Variants in CLCA4 observed in about 807,000 individuals in gnomAD.
The protein encoded by CLCA4 is chloride channel accessory 4.
A neutral mutation model predicts 78.9 loss-of-function variants in CLCA4; 69 were observed. That is an observed-to-expected ratio of 0.87 (90% CI 0.72 to 1.07). The LOEUF is 1.07. Ranked by LOEUF, CLCA4 falls within the 50% of genes least tolerant of loss-of-function variation. The probability of loss-of-function intolerance (pLI) is 0.00; values close to 1 mark genes in which losing one functional copy is unlikely to be tolerated. For synonymous variants in CLCA4, 362 were observed against 375.8 expected (o/e 0.96, Z 0.42); for missense variants, 1,133 against 1,095.8 (o/e 1.03, Z -0.48).
chr1:86,553,352 G>C, intron 1 of CLCA4: 1 of 581,064 alleles, frequency 1.7e-6, no homozygotes, highest in Non-Finnish European at 3.1e-6. Flanking sequence ...TTGTGTCTTT[G>C]AGAGAACGGT....
At chr1:86,574,318 A>G (rs989476524) in intron 9 of CLCA4, among the ~76,000 whole-genome samples, 5 of 152,066 alleles carry the variant, frequency 3.3e-5, no homozygotes, top group Non-Finnish European at 5.9e-5. Flanking sequence ...TCATGACTGT[A>G]AAACCCTTGT....
At chr1:86,550,927 GT>G (rs1649638798) in intron 1 of CLCA4, among the ~76,000 whole-genome samples, 1 of 149,108 alleles carries the variant, frequency 6.7e-6, no homozygotes, top group Admixed American at 6.7e-5. Flanking sequence ...CGCCTCCCAC[GT>G]TCACGCCATT....
intron 6 of CLCA4, 129 bp downstream of exon 6, chr1:86,566,149 T>C: frequency 1.5e-6 from 1 of 661,494 alleles, no homozygotes; most frequent in Non-Finnish European, 2.4e-6. Context: ...CCCATGATCA[T>C]GACTTCAAGA....
At chr1:86,556,449 GT>G (rs1649847691) in intron 1 of CLCA4, among the ~76,000 whole-genome samples, 1 of 152,102 alleles carries the variant, frequency 6.6e-6, no homozygotes, top group South Asian at 2.1e-4. Flanking sequence ...TAATCATGTG[GT>G]TTTTGTCTTT....
chr1:86,573,488 T>G (rs1650415417), intron 9 of CLCA4, among the ~76,000 whole-genome samples: 2 of 151,960 alleles, frequency 1.3e-5, no homozygotes, highest in Non-Finnish European at 2.9e-5. Context: ...TTCTGTCTGG[T>G]GTTTTCCAGC....
rs1442743834 is a variant in CLCA4, at chr1:86,578,063, G to A, written c.2113G>A (p.Val705Ile). Residue 705 changes from valine to isoleucine, a missense_variant, in exon 12 of 14, where the codon GTA (valine) becomes ATA (isoleucine). Physicochemically the swap from Val to Ile is conservative, Grantham distance 29 (BLOSUM62 3). Transcript: ENST00000370563. ...LNRAAYIPGWVVNGEIEANPP... is the reference protein window; with the variant it reads ...LNRAAYIPGWIVNGEIEANPP... ...TAGAGCCGCGTACATACCAGGCTGGGTAGTGAACGGTGAGTAACTCATGAT... is the reference window on the plus strand; with the variant it reads ...TAGAGCCGCGTACATACCAGGCTGGATAGTGAACGGTGAGTAACTCATGAT... 1 of 1,609,366 alleles carries A rather than the reference G, an allele frequency of 6.2e-7. No homozygotes were observed. Among genetic ancestry groups the A allele is most frequent in the Non-Finnish European group, 8.5e-7 (1 of 1,178,200 alleles).
At chr1:86,558,594 G>A (rs1387741012) in intron 1 of CLCA4, among the ~76,000 whole-genome samples, 2 of 152,122 alleles carry the variant, frequency 1.3e-5, no homozygotes, top group African/African-American at 4.8e-5. Context: ...GCATGGCAGG[G>A]AGGCCTCAGG....
rs1475106150 is a variant in CLCA4 at position 86,575,481 on chromosome 1, G to T, written c.1833G>T (p.Met611Ile). 6.2e-7 allele frequency: 1 copy of T among 1,613,512 alleles called. No homozygotes were observed. Among genetic ancestry groups the T allele is most frequent in the Non-Finnish European group, 8.5e-7 (1 of 1,179,608 alleles). The change falls in exon 11 of 14, where the codon ATG becomes ATT. Residue 611 changes from methionine to isoleucine, a missense_variant. Met to Ile is a conservative substitution (Grantham distance 10, BLOSUM62 1). Coordinates refer to ENST00000370563, the MANE Select transcript of CLCA4 (RefSeq NM_012128.4). ...NKDVNSFPSP[M>I]IVYAEILQGY... ...ACGTAAACAGTTTCCCCAGCCCAAT[G>T]ATTGTTTACGCAGAAATTCTACAAG...
At chr1:86,557,805 T>C (rs1376851805) in intron 1 of CLCA4, among the ~76,000 whole-genome samples, 1 of 152,016 alleles carries the variant, frequency 6.6e-6, no homozygotes, top group African/African-American at 2.4e-5. Context: ...CCCACTATTA[T>C]TGAGTGGGAG....
intron 1 of CLCA4, among the ~76,000 whole-genome samples, chr1:86,549,683 A>G (rs1184976642): frequency 6.6e-6 from 1 of 152,206 alleles, no homozygotes; most frequent in Non-Finnish European, 1.5e-5. Flanking sequence ...AGGTGAGGGT[A>G]GGAAGGAAAT....
chr1:86,552,847 T>A (rs1397579183), intron 1 of CLCA4: 1 of 786,558 alleles, frequency 1.3e-6, no homozygotes, highest in Admixed American at 2.0e-5. Flanking sequence ...CAGCGTTTCA[T>A]ATATATCTGA....
chr1:86,561,499 A>G (rs1333957501), intron 3 of CLCA4, among the ~76,000 whole-genome samples: 1 of 152,202 alleles, frequency 6.6e-6, no homozygotes, highest in Non-Finnish European at 1.5e-5. Flanking sequence ...TGAAGCACTC[A>G]AAGCTACTCA....
At chr1:86,547,568 T>G (rs1342251858) in intron 1 of CLCA4, among the ~76,000 whole-genome samples, 3 of 152,206 alleles carry the variant, frequency 2.0e-5, no homozygotes, top group African/African-American at 7.2e-5. Context: ...TTATTCTGTC[T>G]ACATAACTGT....
intron 8 of CLCA4, among the ~76,000 whole-genome samples, 176 bp from the exon 9 acceptor site, chr1:86,572,438 G>C (rs1315713286): frequency 1.3e-5 from 2 of 151,934 alleles, no homozygotes; most frequent in African/African-American, 2.4e-5. Context: ...TCATTCCCTA[G>C]TTATGACATT....
At chr1:86,552,915 C>A in intron 1 of CLCA4, 1 of 669,756 alleles carries the variant, frequency 1.5e-6, no homozygotes, top group Non-Finnish European at 2.7e-6. Context: ...CTCCCAGACG[C>A]TCCTCCCTCT....
chr1:86,564,025 G>A (rs1480361246), intron 4 of CLCA4, among the ~76,000 whole-genome samples: 2 of 152,082 alleles, frequency 1.3e-5, no homozygotes, highest in Admixed American at 6.5e-5. Context: ...CTTGCTTGGA[G>A]TTGGGCATGT....
At position 86,563,804 on chromosome 1, in the gene CLCA4, G is replaced by C. The variant is rs761572959; in HGVS notation, c.557+35G>C. Reference sequence around the variant, plus strand: ...TTTAAATTTTCTAAACTGACTTCAGGCTTTTATCCATTCTTATTTTCCTAC... The same window carrying C: ...TTTAAATTTTCTAAACTGACTTCAGCCTTTTATCCATTCTTATTTTCCTAC... On this transcript the variant is annotated intron_variant, in intron 4 of 13. Coordinates refer to ENST00000370563, the MANE Select transcript of CLCA4 (RefSeq NM_012128.4). The C allele has an allele frequency of 4.3e-6, 5 of 1,151,916 alleles. 1 individual carries two copies. Among genetic ancestry groups the C allele is most frequent in the African/African-American group, 1.5e-5 (1 of 64,574 alleles). 71.4% of individuals were successfully genotyped at this position (1,151,916 alleles called of 1,614,324 possible). A position where few individuals can be genotyped will look rare whatever the true frequency, so the allele number is the denominator to read the frequency against.
chr1:86,563,592 G>C lies in CLCA4; in HGVS notation c.449-69G>C, dbSNP rs1326190526. 5 of 713,698 alleles carry C rather than the reference G, an allele frequency of 7.0e-6. No individual in the cohort carries two copies. In the South Asian group the frequency reaches 7.1e-5, roughly 10 times the overall value. The allele number at this position is 713,698 out of a possible 1,614,324, so 44.2% of individuals were successfully genotyped here. On this transcript the variant is annotated intron_variant, in intron 3 of 13. Transcript: ENST00000370563. ...AATATATTTTATAATTGAAAGAGAA[G>C]CTTCTTAAAATATGATACAAAACGT...
chr1:86,564,738 T>A (rs1249106178), intron 4 of CLCA4, among the ~76,000 whole-genome samples: 1 of 152,178 alleles, frequency 6.6e-6, no homozygotes, highest in Non-Finnish European at 1.5e-5. Context: ...AATGTCTCCA[T>A]CATTTTTTAT....
Sources: gnomAD v4.1 joint callset for allele counts (sites outside exome capture counted in the v4.1 genomes callset) on GRCh38, gnomAD v4.1.1 for gene constraint, MANE v1.5 for transcripts, NCBI Gene and HGNC (gene_info 2026-07-23, HGNC 2026-07-21) for gene names.